Variants in CPQ observed in about 807,000 individuals in gnomAD.
CPQ encodes the protein carboxypeptidase Q.
CPQ carries 37 observed loss-of-function variants against 45.7 expected under a neutral mutation model. That is an observed-to-expected ratio of 0.81 (90% CI 0.62 to 1.07). The LOEUF (loss-of-function observed/expected upper bound fraction) is 1.07. CPQ is among the 50% of genes least tolerant of loss of function. The pLI, the probability that CPQ is intolerant of heterozygous loss-of-function variation, is 0.00. For synonymous variants in CPQ, 186 were observed against 205.8 expected (o/e 0.90, Z 0.82); for missense variants, 537 against 572.9 (o/e 0.94, Z 0.64).
At chr8:97,071,472 G>C (rs1373837931) in intron 7 of CPQ, among the ~76,000 whole-genome samples, 1 of 152,056 alleles carries the variant, frequency 6.6e-6, no homozygotes, top group Non-Finnish European at 1.5e-5. Flanking sequence ...CTATAATTCA[G>C]AAACCTCAAA....
At chr8:96,999,653 A>T (rs1353193798) in intron 5 of CPQ, among the ~76,000 whole-genome samples, 1 of 151,904 alleles carries the variant, frequency 6.6e-6, no homozygotes, top group Non-Finnish European at 1.5e-5. Context: ...ATGGGCATTT[A>T]AGTTGATCCC....
At chr8:97,123,033 T>TAA (rs1163506066) in intron 7 of CPQ, among the ~76,000 whole-genome samples, 1 of 31,610 alleles carries the variant, frequency 3.2e-5, no homozygotes, top group South Asian at 5.9e-4. Context: ...ATAAATAAAA[T>TAA]AAAATAAAAT....
intron 1 of CPQ, among the ~76,000 whole-genome samples, chr8:96,778,312 G>C (rs2130803798): frequency 6.6e-6 from 1 of 152,062 alleles, no homozygotes; most frequent in South Asian, 2.1e-4. Flanking sequence ...AACTACCTTA[G>C]TTGGCCTAAT....
chr8:97,127,662 G>T (rs141795900), intron 7 of CPQ, among the ~76,000 whole-genome samples: 1 of 151,994 alleles, frequency 6.6e-6, no homozygotes, highest in Non-Finnish European at 1.5e-5. Flanking sequence ...GCACTCCAGC[G>T]TGGGTGACAG....
intron 2 of CPQ, among the ~76,000 whole-genome samples, chr8:96,833,833 G>C (rs1001210391): frequency 2.0e-5 from 3 of 152,174 alleles, no homozygotes; most frequent in Non-Finnish European, 2.9e-5. Flanking sequence ...GGCCCATTAT[G>C]ATGAGGCCTA....
intron 4 of CPQ, among the ~76,000 whole-genome samples, chr8:96,915,239 TC>T (rs1347130125): frequency 6.6e-6 from 1 of 152,148 alleles, no homozygotes; most frequent in Non-Finnish European, 1.5e-5. Context: ...AGATTTTTTT[TC>T]CGTGCCTCTC....
intron 1 of CPQ, among the ~76,000 whole-genome samples, chr8:96,687,962 AC>A (rs1184406987): frequency 2.6e-5 from 4 of 152,024 alleles, no homozygotes; most frequent in Non-Finnish European, 4.4e-5. Flanking sequence ...AATGTATATC[AC>A]TTAATTTTAT....
At chr8:96,969,185 G>T (rs1365972130) in intron 5 of CPQ, among the ~76,000 whole-genome samples, 1 of 152,140 alleles carries the variant, frequency 6.6e-6, no homozygotes. Flanking sequence ...GTTGGAATGT[G>T]GAATATATAA....
chr8:97,018,516 T>C (rs925376012), intron 5 of CPQ, among the ~76,000 whole-genome samples: 8 of 152,054 alleles, frequency 5.3e-5, no homozygotes, highest in Non-Finnish European at 1.0e-4. Flanking sequence ...GGGAGAAATA[T>C]TCAGTGAAAT....
At chr8:97,127,572 C>T (rs1410888388) in intron 7 of CPQ, among the ~76,000 whole-genome samples, 2 of 151,986 alleles carry the variant, frequency 1.3e-5, no homozygotes, top group African/African-American at 2.4e-5. Context: ...ACCTGTAGTC[C>T]CAGCTACTCA....
At chr8:96,909,458 T>C (rs1812626162) in intron 4 of CPQ, among the ~76,000 whole-genome samples, 1 of 152,190 alleles carries the variant, frequency 6.6e-6, no homozygotes, top group Admixed American at 6.5e-5. Context: ...GGAGACTTTT[T>C]CAGTGGTTTT....
chr8:96,686,065 A>T (rs960837591), intron 1 of CPQ, among the ~76,000 whole-genome samples: 1 of 152,128 alleles, frequency 6.6e-6, no homozygotes, highest in Non-Finnish European at 1.5e-5. Context: ...TTTTGTATTC[A>T]TTCACTTAAC....
At chr8:96,741,049 G>C (rs1810081197) in intron 1 of CPQ, among the ~76,000 whole-genome samples, 1 of 152,172 alleles carries the variant, frequency 6.6e-6, no homozygotes. Flanking sequence ...AGAAGGAATG[G>C]TACCAGTTCC....
chr8:96,671,045 A>G (rs1808995161), intron 1 of CPQ, among the ~76,000 whole-genome samples: 1 of 152,148 alleles, frequency 6.6e-6, no homozygotes, highest in African/African-American at 2.4e-5. Flanking sequence ...AACTGGGGAA[A>G]GTTTACATAG....
chr8:96,802,205 A>G (rs1157392364), intron 2 of CPQ, among the ~76,000 whole-genome samples: 1 of 151,992 alleles, frequency 6.6e-6, no homozygotes, highest in African/African-American at 2.4e-5. Context: ...CCAACAGTGT[A>G]GTCCAAGGCT....
chr8:97,012,633 A>G (rs745502803), intron 5 of CPQ, among the ~76,000 whole-genome samples: 1 of 152,172 alleles, frequency 6.6e-6, no homozygotes, highest in Non-Finnish European at 1.5e-5. Flanking sequence ...AGTCTTTTTT[A>G]GACAATATTC....
At chr8:97,080,907 C>CCCTTCTTTCCTTCCTT (rs1810936290) in intron 7 of CPQ, among the ~76,000 whole-genome samples, 2 of 139,750 alleles carry the variant, frequency 1.4e-5, no homozygotes, top group Non-Finnish European at 1.5e-5. Context: ...TTAGTACCCA[C>CCCTTCTTTCCTTCCTT]CCTTCTTTCC....
At chr8:96,765,481 T>G (rs1378299219) in intron 1 of CPQ, among the ~76,000 whole-genome samples, 1 of 152,098 alleles carries the variant, frequency 6.6e-6, no homozygotes, top group East Asian at 1.9e-4. Context: ...GTGCTTCTTC[T>G]TATTTAACAG....
At chr8:96,880,570 T>C (rs1438196846) in intron 4 of CPQ, among the ~76,000 whole-genome samples, 14 of 68,826 alleles carry the variant, frequency 2.0e-4, no homozygotes, top group African/African-American at 6.6e-4. Flanking sequence ...TATATATATA[T>C]ATATATACCA....
Sources: allele counts gnomAD v4.1 joint callset (sites outside exome capture counted in the v4.1 genomes callset), GRCh38; gene constraint gnomAD v4.1.1; transcripts MANE v1.5; gene names NCBI Gene and HGNC (gene_info 2026-07-23, HGNC 2026-07-21).